Variants in MAML2 observed in about 807,000 individuals in gnomAD.
The protein encoded by MAML2 is mastermind-like protein 2.
MAML2 carries 22 observed loss-of-function variants against 96.1 expected under a neutral mutation model. That is an observed-to-expected ratio of 0.23 (90% confidence interval 0.16 to 0.33). The LOEUF (loss-of-function observed/expected upper bound fraction) is 0.33, where lower values mean the gene tolerates loss of function less well. Among genes scored for constraint, MAML2 ranks in the 10% least tolerant of loss-of-function variants. The probability of loss-of-function intolerance (pLI) is 1.00; values close to 1 mark genes in which losing one functional copy is unlikely to be tolerated. For missense variants in MAML2, 1,367 were observed against 1,392.4 expected, an observed-to-expected ratio of 0.98 and a Z score of 0.29; for synonymous variants, 561 against 521.3, an observed-to-expected ratio of 1.08 and a Z score of -1.04.
intron 1 of MAML2, 90 bp from the exon 2 acceptor site, chr11:96,093,607 CT>C: frequency 1.0e-6 from 1 of 964,942 alleles, no homozygotes; most frequent in Non-Finnish European, 1.5e-6. Context: ...TTAAATGTTT[CT>C]TCTATTTACA....
In MAML2 at chr11:96,326,369, G is replaced by C. The variant is rs908584434; in HGVS notation, c.513+15014C>G. 1.4e-3 allele frequency among the ~76,000 whole-genome samples: 215 copies of C among 150,964 alleles called. 1 individual carries two copies. The highest frequency in any genetic ancestry group is 4.4e-3 in the African/African-American group (182 of 41,382). On this transcript the variant is annotated intron_variant, in intron 1 of 4. Transcript: ENST00000524717. Reference sequence around the variant, plus strand: ...TAATCACACTAAAGCGTGTGTGTGTGTGTGTGTGTGTGTGTGTGCATGTAT... The same window carrying C: ...TAATCACACTAAAGCGTGTGTGTGTCTGTGTGTGTGTGTGTGTGCATGTAT...
chr11:96,263,920 A>G (rs1330197363), intron 1 of MAML2, among the ~76,000 whole-genome samples: 1 of 152,250 alleles, frequency 6.6e-6, no homozygotes, highest in African/African-American at 2.4e-5. Flanking sequence ...AAAGATCTAT[A>G]GCATTAGTGT....
At chr11:96,148,707 C>CACACACAT (rs1220373869) in intron 1 of MAML2, among the ~76,000 whole-genome samples, 13 of 138,698 alleles carry the variant, frequency 9.4e-5, no homozygotes, top group Non-Finnish European at 1.9e-4. Context: ...CACACACACA[C>CACACACAT]ATAAGCACGC....
At chr11:96,010,508 T>C (rs1858249489) in intron 2 of MAML2, among the ~76,000 whole-genome samples, 2 of 152,172 alleles carry the variant, frequency 1.3e-5, no homozygotes. Flanking sequence ...GGTAGGGGCA[T>C]AGGATGCTGA....
chr11:96,005,417 C>A (rs887039157), intron 2 of MAML2, among the ~76,000 whole-genome samples: 10 of 152,174 alleles, frequency 6.6e-5, no homozygotes, highest in African/African-American at 2.2e-4. Context: ...TTTCTCAATT[C>A]CACTCTAGTG....
intron 1 of MAML2, among the ~76,000 whole-genome samples, chr11:96,328,404 T>C (rs1360549453): frequency 6.6e-6 from 1 of 151,972 alleles, no homozygotes; most frequent in Non-Finnish European, 1.5e-5. Flanking sequence ...GTGTGTCTAC[T>C]CTCAGCTTGA....
At chr11:96,304,565 C>T (rs7941504) in intron 1 of MAML2, among the ~76,000 whole-genome samples, 5,476 of 152,264 alleles carry the variant, frequency 0.036, 110 homozygotes, top group Non-Finnish European at 0.044. Context: ...CTGAGAGTGG[C>T]ACCCAGGTTT....
At chr11:96,012,082 A>C (rs919585254) in intron 2 of MAML2, among the ~76,000 whole-genome samples, 27 of 152,328 alleles carry the variant, frequency 1.8e-4, no homozygotes, top group African/African-American at 6.3e-4. Flanking sequence ...TCATATGCCA[A>C]AATTCAGCTG....
At chr11:96,321,184 C>A (rs114931164) in intron 1 of MAML2, among the ~76,000 whole-genome samples, 192 of 152,316 alleles carry the variant, frequency 1.3e-3, no homozygotes, top group African/African-American at 4.4e-3. Flanking sequence ...ATGTAGCCAA[C>A]CTCTGAGCAC....
In MAML2 at chr11:96,183,404, C is replaced by T. The variant is rs574504015; in HGVS notation, c.514-89887G>A. 1.0e-3 allele frequency among the ~76,000 whole-genome samples: 13 copies of T among 12,588 alleles called. 1 individual carries two copies. Among genetic ancestry groups the T allele is most frequent in the African/African-American group, 1.4e-3 (4 of 2,924 alleles). The allele number at this position is 12,588 out of a possible 152,430, so 8.3% of individuals were successfully genotyped here. A position where few individuals can be genotyped will look rare whatever the true frequency, so the allele number is the denominator to read the frequency against. On this transcript the variant is annotated intron_variant, in intron 1 of 4. Coordinates refer to ENST00000524717, the MANE Select transcript of MAML2 (RefSeq NM_032427.4). The stretch of plus-strand genomic sequence containing the variant: ...CCTTCCTCCGTTCCTCCCCCCCCCC[C>T]CTTTCTTTTGAGACAAGGGTTCTCT...
intron 1 of MAML2, among the ~76,000 whole-genome samples, chr11:96,310,133 G>A (rs571321237): frequency 1.4e-4 from 21 of 152,190 alleles, no homozygotes; most frequent in East Asian, 1.2e-3. Flanking sequence ...CTGTGATTAC[G>A]TGAAAAGGAA....
chr11:96,227,607 T>C (rs1159514863), intron 1 of MAML2, among the ~76,000 whole-genome samples: 1 of 152,232 alleles, frequency 6.6e-6, no homozygotes, highest in Non-Finnish European at 1.5e-5. Flanking sequence ...ACTTTTGACA[T>C]AGTTTGCTCC....
At chr11:96,001,540 A>G (rs1858077796) in intron 2 of MAML2, among the ~76,000 whole-genome samples, 1 of 152,148 alleles carries the variant, frequency 6.6e-6, no homozygotes, top group Admixed American at 6.6e-5. Flanking sequence ...CCCCAAACAC[A>G]TATACAACTA....
chr11:95,989,410 C>T (rs1857876349), intron 3 of MAML2, among the ~76,000 whole-genome samples: 1 of 152,240 alleles, frequency 6.6e-6, no homozygotes. Flanking sequence ...CTAGTGGTGA[C>T]TCAACTGGGG....
chr11:96,240,557 C>CAACAAAAAA lies in MAML2; in HGVS notation c.513+100825_513+100826insTTTTTTGTT, dbSNP rs568304250. On this transcript the variant is annotated intron_variant, in intron 1 of 4. Coordinates refer to ENST00000524717, the MANE Select transcript of MAML2 (RefSeq NM_032427.4). ...TGGGCGACAGAGCGAGACTCCGTCTCAAAAAAAAAAAAAAAAAAAAAAAAA... is the reference window on the plus strand; with the variant it reads ...TGGGCGACAGAGCGAGACTCCGTCTCAACAAAAAAAAAAAAAAAAAAAAAAAAAAAAAAA... 9.2e-4 allele frequency among the ~76,000 whole-genome samples: 47 copies of CAACAAAAAA among 51,096 alleles called. 5 individuals are homozygous for CAACAAAAAA. Among genetic ancestry groups the CAACAAAAAA allele is most frequent in the Non-Finnish European group, 1.5e-3 (40 of 26,114 alleles). The allele number at this position is 51,096 out of a possible 152,430, so 33.5% of individuals were successfully genotyped here. A position where few individuals can be genotyped will look rare whatever the true frequency, so the allele number is the denominator to read the frequency against.
chr11:96,026,462 G>A (rs1000559824), intron 2 of MAML2, among the ~76,000 whole-genome samples: 1 of 152,158 alleles, frequency 6.6e-6, no homozygotes, highest in African/African-American at 2.4e-5. Flanking sequence ...ACTGGTAAGA[G>A]CATCGGCTTC....
chr11:96,333,002 T>G (rs1311038355), intron 1 of MAML2, among the ~76,000 whole-genome samples: 1 of 152,194 alleles, frequency 6.6e-6, no homozygotes, highest in Non-Finnish European at 1.5e-5. Context: ...TAACTGAATT[T>G]TCTTAGAAAC....
Position 96,092,023 on chromosome 11 carries a change from G to A in MAML2, c.2008C>T (p.Pro670Ser). Residue 670 changes from proline (P) to serine (S), a missense_variant, in exon 2 of 5, where the codon CCT becomes TCT. Pro to Ser is a moderately conservative substitution (Grantham distance 74). Transcript: ENST00000524717. The surrounding 1 kb of genome is among the most constrained non-coding windows in gnomAD (Gnocchi z 4.1). ...GGCTGGCTTGGTAGAGATTGGGCAGGCTGAGAAGATGGTTGTTGCTGCTGC... is the reference window on the plus strand; with the variant it reads ...GGCTGGCTTGGTAGAGATTGGGCAGACTGAGAAGATGGTTGTTGCTGCTGC... ...QQQQQQPSSQ[P>S]AQSLPSQPLL... 1.9e-6 allele frequency: 3 copies of A among 1,567,750 alleles called. No homozygotes were observed. Among genetic ancestry groups the A allele is most frequent in the Non-Finnish European group, 2.6e-6 (3 of 1,155,596 alleles).
rs563262340 is a variant in MAML2 at position 96,227,820 on chromosome 11, G to A, written c.513+113563C>T. On this transcript the variant is annotated intron_variant, in intron 1 of 4. Coordinates refer to ENST00000524717, the MANE Select transcript of MAML2 (RefSeq NM_032427.4). ...CATCGAATGAAATCATTACAAACTC[G>A]GCCAGGTGCAGTGGCTCATGCCCGT... 3.9e-5 allele frequency among the ~76,000 whole-genome samples: 6 copies of A among 152,252 alleles called. No homozygotes were observed. In the East Asian group the frequency reaches 5.8e-4, roughly 15 times the overall value.
Sources: allele counts gnomAD v4.1 joint callset (sites outside exome capture counted in the v4.1 genomes callset), GRCh38; gene constraint gnomAD v4.1.1; non-coding constraint Gnocchi (gnomAD v3.1); transcripts MANE v1.5; gene names NCBI Gene and HGNC (gene_info 2026-07-23, HGNC 2026-07-21).